Variants in FAM114A1 observed in about 807,000 individuals in gnomAD.
FAM114A1 encodes protein NOXP20.
A neutral mutation model predicts 64.3 loss-of-function variants in FAM114A1; 62 were observed. The ratio of observed to expected loss-of-function variants is 0.96; its 90% CI spans 0.79 to 1.19. The LOEUF (loss-of-function observed/expected upper bound fraction) is 1.19. Among genes scored for constraint, FAM114A1 ranks in the 50% most tolerant of loss-of-function variants. The pLI, the probability that FAM114A1 is intolerant of heterozygous loss-of-function variation, is 0.00. For synonymous variants in FAM114A1, 254 were observed against 251.1 expected (o/e 1.01, Z -0.11); for missense variants, 645 against 676.3 (o/e 0.95, Z 0.51).
chr4:38,908,683 A>G lies in FAM114A1; in HGVS notation c.749A>G (p.Lys250Arg). The change falls in exon 7 of 15, where the codon AAG (lysine) becomes AGG (arginine). Residue 250 changes from lysine to arginine, a missense_variant. Coordinates refer to ENST00000358869, the MANE Select transcript of FAM114A1 (RefSeq NM_138389.4). Reference sequence around the variant, plus strand: ...CTTGCAGAAAGTGACCCGGGCTTTAAGCGGACCAAGACGCTCATGGAGAGA... The same window carrying G: ...CTTGCAGAAAGTGACCCGGGCTTTAGGCGGACCAAGACGCTCATGGAGAGA... ...NVLAESDPGF[K>R]RTKTLMERTV... The G allele has an allele frequency of 6.2e-7, 1 of 1,613,350 alleles. No individual in the cohort carries two copies. Among genetic ancestry groups the G allele is most frequent in the Non-Finnish European group, 8.5e-7 (1 of 1,179,372 alleles).
chr4:38,941,278 A>G (rs986951249), intron 14 of FAM114A1, among the ~76,000 whole-genome samples: 2 of 152,202 alleles, frequency 1.3e-5, no homozygotes, highest in African/African-American at 2.4e-5. Context: ...TGTTTCCTCC[A>G]GCAGAAGCAG....
At chr4:38,942,368 C>T (rs1721641902) in intron 14 of FAM114A1, among the ~76,000 whole-genome samples, 1 of 152,086 alleles carries the variant, frequency 6.6e-6, no homozygotes, top group African/African-American at 2.4e-5. Flanking sequence ...GGGATGGCAT[C>T]AGCCAGAAGG....
chr4:38,943,879 A>T lies in FAM114A1; in HGVS notation c.*322A>T. ...CTGGTTAAGCATGCTATATTTAGAA[A>T]CTCATGGGGAGACCTTAGACTTTTG... On this transcript the variant is annotated 3_prime_UTR_variant, in exon 15 of 15. Transcript: ENST00000358869. 1 of 218,100 alleles carries T rather than the reference A, an allele frequency of 4.6e-6. No homozygotes were observed. The allele number at this position is 218,100 out of a possible 1,614,324, so 13.5% of individuals were successfully genotyped here. A position where few individuals can be genotyped will look rare whatever the true frequency, so the allele number is the denominator to read the frequency against.
intron 9 of FAM114A1, among the ~76,000 whole-genome samples, chr4:38,927,707 A>G (rs1720252945): frequency 6.6e-6 from 1 of 152,192 alleles, no homozygotes; most frequent in African/African-American, 2.4e-5. Context: ...TTTTTGAGAC[A>G]GAGTCTTGCT....
chr4:38,886,462 T>G (rs913526722), intron 3 of FAM114A1, among the ~76,000 whole-genome samples: 1 of 151,488 alleles, frequency 6.6e-6, no homozygotes, highest in African/African-American at 2.4e-5. Context: ...TGAGCTATGG[T>G]GCCCGGCCAC....
At position 38,931,475 on chromosome 4, in the gene FAM114A1, G is replaced by T. The variant is rs747482078; in HGVS notation, c.1186G>T (p.Val396Leu). 5.6e-6 allele frequency: 9 copies of T among 1,613,974 alleles called. No homozygotes were observed. The highest frequency in any genetic ancestry group is 5.9e-6 in the Non-Finnish European group (7 of 1,179,964). Reference sequence around the variant, plus strand: ...GGCCATGAAGAGGGCTCATGACTGGGTGGAAGAGGATCAAACCGTGGTGTC... The same window carrying T: ...GGCCATGAAGAGGGCTCATGACTGGTTGGAAGAGGATCAAACCGTGGTGTC... The part of the protein sequence containing the change: ...NKAMKRAHDW[V>L]EEDQTVVSVD... Residue 396 changes from valine (V) to leucine (L), a missense_variant, in exon 11 of 15, where the codon GTG becomes TTG. Coordinates refer to ENST00000358869, the MANE Select transcript of FAM114A1 (RefSeq NM_138389.4).
chr4:38,904,382 T>C (rs1346950846), intron 4 of FAM114A1, among the ~76,000 whole-genome samples: 1 of 152,220 alleles, frequency 6.6e-6, no homozygotes, highest in African/African-American at 2.4e-5. Flanking sequence ...TAGACAAGAC[T>C]ATGTCCGTAT....
At chr4:38,894,024 G>A (rs764568634) in intron 4 of FAM114A1, among the ~76,000 whole-genome samples, 3 of 152,004 alleles carry the variant, frequency 2.0e-5, no homozygotes, top group African/African-American at 4.8e-5. Flanking sequence ...TTAGCTGGAC[G>A]TGGTGGTGGG....
chr4:38,906,254 A>C (rs1350679197), intron 6 of FAM114A1, among the ~76,000 whole-genome samples: 1 of 152,102 alleles, frequency 6.6e-6, no homozygotes, highest in African/African-American at 2.4e-5. Flanking sequence ...TAAACCGTTT[A>C]AATAAAAAGT....
intron 4 of FAM114A1, among the ~76,000 whole-genome samples, chr4:38,892,894 A>G (rs1716538815): frequency 6.6e-6 from 1 of 152,242 alleles, no homozygotes; most frequent in Admixed American, 6.5e-5. Context: ...GCTGCCTGGA[A>G]GAATGGATAG....
intron 4 of FAM114A1, among the ~76,000 whole-genome samples, chr4:38,898,037 G>A (rs1010879874): frequency 1.3e-5 from 2 of 152,058 alleles, no homozygotes; most frequent in African/African-American, 4.8e-5. Flanking sequence ...CTTCCAAAAT[G>A]TATTACTAGG....
At position 38,908,736 on chromosome 4, in the gene FAM114A1, T is replaced by C; in HGVS notation, c.792+10T>C. 1 of 1,549,684 alleles carries C rather than the reference T, an allele frequency of 6.5e-7. No homozygotes were observed. Among genetic ancestry groups the C allele is most frequent in the Non-Finnish European group, 8.8e-7 (1 of 1,140,140 alleles). The stretch of plus-strand genomic sequence containing the variant: ...TGTTTCCTTGTCTCAGGTTGGATTA[T>C]ATACGTTTGCAATTTTTTCTTTCAG... On this transcript the variant is annotated intron_variant, in intron 7 of 14. Transcript: ENST00000358869.
At chr4:38,921,087 A>G (rs1164578850) in intron 8 of FAM114A1, among the ~76,000 whole-genome samples, 1 of 152,208 alleles carries the variant, frequency 6.6e-6, no homozygotes, top group Non-Finnish European at 1.5e-5. Context: ...AACCTATTCC[A>G]AAGAGGACTA....
At chr4:38,906,695 C>A (rs1718042361) in intron 6 of FAM114A1, among the ~76,000 whole-genome samples, 1 of 152,134 alleles carries the variant, frequency 6.6e-6, no homozygotes, top group South Asian at 2.1e-4. Context: ...CCACCACACC[C>A]AGCTAATTTT....
chr4:38,930,157 A>G (rs911850686), intron 10 of FAM114A1, among the ~76,000 whole-genome samples: 1 of 152,204 alleles, frequency 6.6e-6, no homozygotes, highest in Non-Finnish European at 1.5e-5. Context: ...TCCAGCTTTA[A>G]CAATCTGGGT....
chr4:38,919,305 C>T (rs1719360240), intron 8 of FAM114A1, among the ~76,000 whole-genome samples: 1 of 152,130 alleles, frequency 6.6e-6, no homozygotes. Context: ...TTTGAATTCC[C>T]AGACTCTGCT....
At chr4:38,918,922 C>G (rs1308599192) in intron 8 of FAM114A1, among the ~76,000 whole-genome samples, 1 of 152,160 alleles carries the variant, frequency 6.6e-6, no homozygotes, top group East Asian at 1.9e-4. Flanking sequence ...GAGGCCGAGG[C>G]AGGTGGATCA....
intron 4 of FAM114A1, among the ~76,000 whole-genome samples, chr4:38,896,696 C>T (rs1211504462): frequency 6.6e-6 from 1 of 152,166 alleles, no homozygotes; most frequent in Non-Finnish European, 1.5e-5. Flanking sequence ...GCAAGCGAGG[C>T]ACAATTTCTG....
rs147659351 is a variant in FAM114A1 at position 38,911,259 on chromosome 4, C to T, written c.792+2533C>T. Reference sequence around the variant, plus strand: ...GGTGAAAGTGTCCCAGACTGCAGTGCGGCATGGGAAAGGCTGGGCGAAGCC... The same window carrying T: ...GGTGAAAGTGTCCCAGACTGCAGTGTGGCATGGGAAAGGCTGGGCGAAGCC... On this transcript the variant is annotated intron_variant, in intron 7 of 14. Transcript: ENST00000358869. Among the ~76,000 whole-genome samples the T allele has an allele frequency of 2.8e-3, 420 of 152,288 alleles. 1 individual carries two copies. The highest frequency in any genetic ancestry group is 9.4e-3 in the African/African-American group (389 of 41,556).
Sources: gnomAD v4.1 joint callset for allele counts (sites outside exome capture counted in the v4.1 genomes callset) on GRCh38, gnomAD v4.1.1 for gene constraint, MANE v1.5 for transcripts, NCBI Gene and HGNC (gene_info 2026-07-23, HGNC 2026-07-21) for gene names.